Variants in LRRC47 observed in about 807,000 individuals in gnomAD.
LRRC47 encodes leucine rich repeat containing 47, also known as leucine-rich repeat-containing protein 47.
A neutral mutation model predicts 40.9 loss-of-function variants in LRRC47; 31 were observed. The ratio of observed to expected loss-of-function variants is 0.76; its 90% CI spans 0.57 to 1.02. LRRC47 has a LOEUF of 1.02. LRRC47 is among the 50% of genes least tolerant of loss of function. LRRC47 has a pLI of 0.00. For synonymous variants in LRRC47, 427 were observed against 371.9 expected (o/e 1.15, Z -1.70); for missense variants, 726 against 796.1 (o/e 0.91, Z 1.06).
chr1:3,781,459 G>C (rs1298835324), intron 6 of LRRC47, 53 bp downstream of exon 6: 6 of 1,580,422 alleles, frequency 3.8e-6, no homozygotes, highest in Non-Finnish European at 5.2e-6. Flanking sequence ...TCAAGGAGCA[G>C]AGCACCACTC....
chr1:3,792,365 T>C (rs1452329861), intron 1 of LRRC47, among the ~76,000 whole-genome samples: 2 of 152,048 alleles, frequency 1.3e-5, no homozygotes, highest in African/African-American at 4.8e-5. Flanking sequence ...TTTTGGGATT[T>C]AGAAAACAAG....
In LRRC47 at chr1:3,781,333, T is replaced by C; in HGVS notation, c.1507A>G (p.Met503Val). ...KDVMDALILK[M>V]AEMKKYTLEN... ...AAAGTGTACTTTTTCATTTCTGCCA[T>C]TTTCTGCAAATAAAAAATACCTTTT... The change falls in exon 7 of 7, where the codon ATG becomes GTG. Residue 503 changes from methionine (M) to valine (V), a missense_variant. Physicochemically the swap from Met to Val is conservative, Grantham distance 21 (BLOSUM62 1). Coordinates refer to ENST00000378251, the MANE Select transcript of LRRC47 (RefSeq NM_020710.3). The C allele has an allele frequency of 6.2e-7, 1 of 1,611,302 alleles. No individual in the cohort carries two copies. The highest frequency in any genetic ancestry group is 8.5e-7 in the Non-Finnish European group (1 of 1,177,852).
intron 1 of LRRC47, 101 bp downstream of exon 1, chr1:3,795,761 C>T: frequency 1.5e-6 from 2 of 1,373,948 alleles, no homozygotes; most frequent in Non-Finnish European, 1.9e-6. Flanking sequence ...GGCCCAGTGC[C>T]CCAGGGGGCG....
chr1:3,781,543 A>G lies in LRRC47; in HGVS notation c.1472T>C (p.Ile491Thr), dbSNP rs767169418. 6.2e-7 allele frequency: 1 copy of G among 1,614,030 alleles called. No homozygotes were observed. The highest frequency in any genetic ancestry group is 8.5e-7 in the Non-Finnish European group (1 of 1,180,000). ...LEVTSATSLQ[I>T]CKDVMDALIL... ...GAGGGCATCCATGACATCCTTGCAA[A>G]TCTGCAGACTGGTGGCACTTGTTAC... is the stretch of plus-strand genomic sequence containing the variant. The change falls in exon 6 of 7, where the codon ATT becomes ACT. Residue 491 changes from isoleucine (I) to threonine (T), a missense_variant. Coordinates refer to ENST00000378251, the MANE Select transcript of LRRC47 (RefSeq NM_020710.3).
At position 3,796,100 on chromosome 1, in the gene LRRC47, G is replaced by T; in HGVS notation, c.377C>A (p.Pro126Gln). ...GAGGCTCTGCAGCTGCGGAAGGCCC[G>T]GCGGCTCGGCGGGGCCCAGGCCTTG... The part of the protein sequence containing the change: ...PGQGLGPAEP[P>Q]GLPQLQSLNL... The change falls in exon 1 of 7, where the codon CCG (proline) becomes CAG (glutamine). Residue 126 changes from proline to glutamine, a missense_variant. Physicochemically the swap from Pro to Gln is moderately conservative, Grantham distance 76. Coordinates refer to ENST00000378251, the MANE Select transcript of LRRC47 (RefSeq NM_020710.3). 1.4e-6 allele frequency: 2 copies of T among 1,467,626 alleles called. No homozygotes were observed. Among genetic ancestry groups the T allele is most frequent in the East Asian group, 2.9e-5 (1 of 34,798 alleles). The allele number at this position is 1,467,626 out of a possible 1,614,324, so 90.9% of individuals were successfully genotyped here.
rs1471923721 is a variant in LRRC47, at chr1:3,783,936, T to C, written c.1310+60A>G. 3 of 1,415,844 alleles carry C rather than the reference T, an allele frequency of 2.1e-6. No individual in the cohort carries two copies. The African/African-American group carries it at 4.2e-5, about 20-fold the overall frequency. The allele number at this position is 1,415,844 out of a possible 1,614,324, so 87.7% of individuals were successfully genotyped here. ...CCTGAGGAGCACAGACTAACTCAGC[T>C]GAGGCCAGCATGCGGCACTCCCCCG... On this transcript the variant is annotated intron_variant, in intron 4 of 6. Transcript: ENST00000378251.
chr1:3,795,796 G>A (rs929448166), intron 1 of LRRC47, 66 bp downstream of exon 1: 22 of 1,445,254 alleles, frequency 1.5e-5, no homozygotes, highest in Middle Eastern at 1.9e-4. Context: ...TCGGCCCCGA[G>A]AGGGGTTCCT....
chr1:3,780,917 A>C lies in LRRC47; in HGVS notation c.*171T>G. ...CTTGAACCCAGGAGACACAGGCTGC[A>C]GTGACTCGAGATCACGCCACTGCAC... On this transcript the variant is annotated 3_prime_UTR_variant, in exon 7 of 7. Coordinates refer to ENST00000378251, the MANE Select transcript of LRRC47 (RefSeq NM_020710.3). 1.1e-6 allele frequency: 1 copy of C among 939,450 alleles called. No homozygotes were observed. Among genetic ancestry groups the C allele is most frequent in the Non-Finnish European group, 1.6e-6 (1 of 641,512 alleles). 58.2% of individuals were successfully genotyped at this position (939,450 alleles called of 1,614,324 possible).
At position 3,781,578 on chromosome 1, in the gene LRRC47, CA is replaced by C; in HGVS notation, c.1436del (p.Leu479CysfsTer5). The C allele has an allele frequency of 6.2e-7, 1 of 1,613,770 alleles. No homozygotes were observed. Among genetic ancestry groups the C allele is most frequent in the African/African-American group, 1.3e-5 (1 of 75,034 alleles). On this transcript the variant is annotated frameshift_variant, in exon 6 of 7. Coordinates refer to ENST00000378251, the MANE Select transcript of LRRC47 (RefSeq NM_020710.3). LOFTEE classifies it high-confidence loss of function. The part of the protein sequence containing the change: ...KTKVKKTTSD[L>X]FLEVTSATSL... ...TGGTGGCACTTGTTACTTCCAAAAA[CA>C]AATCAGAAGTCGTTTTCTTAACCTT...
At chr1:3,789,675 G>A (rs888910592) in intron 1 of LRRC47, among the ~76,000 whole-genome samples, 2 of 152,246 alleles carry the variant, frequency 1.3e-5, no homozygotes, top group Non-Finnish European at 2.9e-5. Flanking sequence ...GGCTCTGTGG[G>A]GAGTCAGGGG....
At position 3,780,218 on chromosome 1, in the gene LRRC47, TC is replaced by T. The variant is rs1643505173; in HGVS notation, c.*869del. ...TGATCACAGAGTCTTTACACAAGCC[TC>T]GATGGTGCATGTAGTTTTATTTATG... On this transcript the variant is annotated 3_prime_UTR_variant, in exon 7 of 7. Transcript: ENST00000378251. 3.3e-5 allele frequency: 5 copies of T among 152,138 alleles called. No individual in the cohort carries two copies. Among genetic ancestry groups the T allele is most frequent in the African/African-American group, 1.2e-4 (5 of 41,398 alleles). 9.4% of individuals were successfully genotyped at this position (152,138 alleles called of 1,614,324 possible). A position where few individuals can be genotyped will look rare whatever the true frequency, so the allele number is the denominator to read the frequency against.
chr1:3,790,596 G>A (rs1643617963), intron 1 of LRRC47, among the ~76,000 whole-genome samples: 1 of 152,262 alleles, frequency 6.6e-6, no homozygotes, highest in Non-Finnish European at 1.5e-5. Flanking sequence ...GCGGGAAGCA[G>A]CCAGGGAGGG....
intron 1 of LRRC47, among the ~76,000 whole-genome samples, chr1:3,794,493 C>T (rs777065246): frequency 5.5e-4 from 84 of 151,816 alleles, no homozygotes; most frequent in Non-Finnish European, 1.0e-3. Flanking sequence ...ACTACAGGCA[C>T]GCGCCACCAG....
intron 1 of LRRC47, 30 bp from the exon 2 acceptor site, chr1:3,787,340 G>A (rs766084783): frequency 2.3e-5 from 36 of 1,578,214 alleles, no homozygotes; most frequent in South Asian, 9.2e-5. Flanking sequence ...CGCGTCAGAC[G>A]CCCGGACTCT....
chr1:3,788,244 T>A (rs903313555), intron 1 of LRRC47, among the ~76,000 whole-genome samples: 1 of 152,228 alleles, frequency 6.6e-6, no homozygotes, highest in Non-Finnish European at 1.5e-5. Context: ...CCCCACAGCC[T>A]TGCCTGGGTG....
intron 2 of LRRC47, among the ~76,000 whole-genome samples, chr1:3,785,894 G>T (rs1232343518): frequency 2.0e-5 from 3 of 149,658 alleles, no homozygotes; most frequent in Non-Finnish European, 4.4e-5. Context: ...TTTTGAGATG[G>T]AGTCTTGCTG....
intron 2 of LRRC47, 35 bp from the exon 3 acceptor site, chr1:3,785,238 T>TA (rs747079687): frequency 6.9e-7 from 1 of 1,445,118 alleles, no homozygotes; most frequent in African/African-American, 1.5e-5. Context: ...CAAGGTCTCT[T>TA]GTGCCCTGAA....
At chr1:3,790,344 A>G (rs2124613583) in intron 1 of LRRC47, among the ~76,000 whole-genome samples, 1 of 152,172 alleles carries the variant, frequency 6.6e-6, no homozygotes, top group African/African-American at 2.4e-5. Flanking sequence ...TTGAGGCTGA[A>G]CTCCCCTGTG....
At chr1:3,795,805 C>T (rs1047867224) in intron 1 of LRRC47, 57 bp downstream of exon 1, 80 of 1,458,026 alleles carry the variant, frequency 5.5e-5, no homozygotes, top group Non-Finnish European at 7.0e-5. Context: ...AGAGGGGTTC[C>T]TTCTCCAGGG....
Sources: gnomAD v4.1 joint callset for allele counts (sites outside exome capture counted in the v4.1 genomes callset) on GRCh38, gnomAD v4.1.1 for gene constraint, MANE v1.5 for transcripts, NCBI Gene and HGNC (gene_info 2026-07-23, HGNC 2026-07-21) for gene names.